Variants in RAB3GAP2 observed in about 807,000 individuals in gnomAD.
The protein encoded by RAB3GAP2 is RAB3 GTPase activating non-catalytic protein subunit 2.
RAB3GAP2 carries 87 observed loss-of-function variants against 185.3 expected under a neutral mutation model. That is an observed-to-expected ratio of 0.47 (90% CI 0.39 to 0.56). The LOEUF (loss-of-function observed/expected upper bound fraction) is 0.56. Among genes scored for constraint, RAB3GAP2 ranks in the 20% least tolerant of loss-of-function variants. The pLI, the probability that RAB3GAP2 is intolerant of heterozygous loss-of-function variation, is 0.00. For missense variants in RAB3GAP2, 1,492 were observed against 1,638.2 expected (o/e 0.91, Z 1.54); for synonymous variants, 554 against 576.1 (o/e 0.96, Z 0.55).
At chr1:220,239,668 T>C (rs529804137) in intron 1 of RAB3GAP2, among the ~76,000 whole-genome samples, 2 of 152,214 alleles carry the variant, frequency 1.3e-5, no homozygotes, top group African/African-American at 2.4e-5. Flanking sequence ...AGGAATAGTA[T>C]AGTATTTTGT....
At chr1:220,266,809 G>A in intron 1 of RAB3GAP2, 1 of 1,595,068 alleles carries the variant, frequency 6.3e-7, no homozygotes, top group Non-Finnish European at 8.6e-7. Flanking sequence ...TTGGCCTCTG[G>A]CTGGGAACAT....
intron 1 of RAB3GAP2, among the ~76,000 whole-genome samples, chr1:220,241,048 CA>C (rs1659688616): frequency 6.6e-6 from 1 of 151,870 alleles, no homozygotes; most frequent in Admixed American, 6.5e-5. Flanking sequence ...AATCAATCAT[CA>C]AAAAAATTAT....
At chr1:220,182,182 A>G in intron 21 of RAB3GAP2, 75 bp downstream of exon 21, 2 of 1,591,844 alleles carry the variant, frequency 1.3e-6, no homozygotes, top group Admixed American at 3.7e-5. Context: ...CAATAGTTAA[A>G]AAAAAAAAGA....
At chr1:220,200,765 T>C in intron 9 of RAB3GAP2, 1 of 398,694 alleles carries the variant, frequency 2.5e-6, no homozygotes, top group Non-Finnish European at 5.2e-6. Flanking sequence ...ATGTAAGAGC[T>C]ATGCAGTAAA....
At chr1:220,227,145 C>T (rs1278847371) in intron 2 of RAB3GAP2, among the ~76,000 whole-genome samples, 1 of 152,224 alleles carries the variant, frequency 6.6e-6, no homozygotes, top group Non-Finnish European at 1.5e-5. Context: ...CAGATGAATA[C>T]AGACATGAAA....
chr1:220,198,213 A>T (rs1034608871), intron 9 of RAB3GAP2, among the ~76,000 whole-genome samples: 4 of 152,150 alleles, frequency 2.6e-5, no homozygotes, highest in Admixed American at 2.0e-4. Flanking sequence ...GGTTGACCTA[A>T]ACTTTCTGCA....
chr1:220,152,733 C>T (rs1285032198), intron 33 of RAB3GAP2, among the ~76,000 whole-genome samples: 2 of 151,796 alleles, frequency 1.3e-5, no homozygotes, highest in Non-Finnish European at 2.9e-5. Flanking sequence ...ATATTTTTTT[C>T]CTTTTTAGAG....
chr1:220,237,322 A>T (rs1328546238), intron 1 of RAB3GAP2, among the ~76,000 whole-genome samples: 1 of 152,250 alleles, frequency 6.6e-6, no homozygotes, highest in African/African-American at 2.4e-5. Flanking sequence ...TTATTAAATA[A>T]GTAGCAACCA....
chr1:220,209,890 C>G (rs1473935184), intron 7 of RAB3GAP2, among the ~76,000 whole-genome samples: 1 of 152,150 alleles, frequency 6.6e-6, no homozygotes, highest in African/African-American at 2.4e-5. Flanking sequence ...GCCTTGGATA[C>G]TAAACAGCAT....
In RAB3GAP2 at chr1:220,184,071, G is replaced by A; in HGVS notation, c.1963C>T (p.Leu655Phe). 1.3e-6 allele frequency: 2 copies of A among 1,594,324 alleles called. No individual in the cohort carries two copies. Among genetic ancestry groups the A allele is most frequent in the African/African-American group, 2.7e-5 (2 of 74,568 alleles). The change falls in exon 19 of 35, where the codon CTT (leucine) becomes TTT (phenylalanine). Residue 655 changes from leucine to phenylalanine, a missense_variant. Physicochemically the swap from Leu to Phe is conservative, Grantham distance 22. Coordinates refer to ENST00000358951, the MANE Select transcript of RAB3GAP2 (RefSeq NM_012414.4). Reference protein sequence around the residue: ...LYESVSQLNSLDFHLDTPFSD... With the variant: ...LYESVSQLNSFDFHLDTPFSD... ...AATGGTGTGTCTAAATGAAAATCAA[G>A]GGAATTTAATTGACTGACAGACTCA...
rs1326979516 is a variant in RAB3GAP2, at chr1:220,193,342, T to C, written c.1168A>G (p.Ile390Val). The change falls in exon 13 of 35, where the codon ATA becomes GTA. Residue 390 changes from isoleucine to valine, a missense_variant. By Grantham distance (29) the Ile-to-Val change is conservative (BLOSUM62 3). This residue lies in a region of RAB3GAP2 where 243 missense variants were observed against 314.8 expected (regional missense o/e 0.77). Coordinates refer to ENST00000358951, the MANE Select transcript of RAB3GAP2 (RefSeq NM_012414.4). ...LPDSRRHGES[I>V]CLSPCNTLAA... ...AGTGTGTTACATGGAGACAGACATA[T>C]GCTTTCACCATGGCGTCTAGAATCT... 3 of 1,613,924 alleles carry C rather than the reference T, an allele frequency of 1.9e-6. No individual in the cohort carries two copies. The highest frequency in any genetic ancestry group is 1.3e-5 in the African/African-American group (1 of 75,054).
At chr1:220,233,014 C>T (rs1659528781) in intron 1 of RAB3GAP2, 151 bp from the exon 2 acceptor site, 13 of 656,846 alleles carry the variant, frequency 2.0e-5, no homozygotes, top group Non-Finnish European at 3.5e-5. Flanking sequence ...CAGGATTTTG[C>T]TATATGTAAT....
At chr1:220,227,787 T>C (rs1464573518) in intron 2 of RAB3GAP2, among the ~76,000 whole-genome samples, 1 of 152,250 alleles carries the variant, frequency 6.6e-6, no homozygotes, top group Middle Eastern at 3.2e-3. Context: ...AGTCTTACTC[T>C]GTTGCTCAGG....
In RAB3GAP2 at chr1:220,153,222, T is replaced by C. The variant is rs766935556; in HGVS notation, c.3830A>G (p.Glu1277Gly). ...EDVVRRHYVG[E>G]LYNYGVDHLG... The stretch of plus-strand genomic sequence containing the variant: ...GTGGTCAACTCCATAGTTGTATAGT[T>C]CCCCCACATAATGCCTTCTAACAAC... Residue 1277 changes from glutamate (E) to glycine (G), a missense_variant, in exon 33 of 35, where the codon GAA becomes GGA. Transcript: ENST00000358951. The C allele has an allele frequency of 6.2e-7, 1 of 1,614,010 alleles. No individual in the cohort carries two copies. The highest frequency in any genetic ancestry group is 8.5e-7 in the Non-Finnish European group (1 of 1,179,920).
chr1:220,221,779 C>T (rs1285454492), intron 2 of RAB3GAP2, among the ~76,000 whole-genome samples: 1 of 152,160 alleles, frequency 6.6e-6, no homozygotes, highest in Non-Finnish European at 1.5e-5. Context: ...TGCAGGCAGA[C>T]AATAAAATTG....
chr1:220,153,164 C>T, intron 33 of RAB3GAP2, 21 bp downstream of exon 33: 1 of 1,555,514 alleles, frequency 6.4e-7, no homozygotes, highest in Non-Finnish European at 8.9e-7. Context: ...GCCCAATTAA[C>T]ATTCAAAGGG....
At chr1:220,169,970 A>G (rs1054037065) in intron 24 of RAB3GAP2, among the ~76,000 whole-genome samples, 2 of 152,192 alleles carry the variant, frequency 1.3e-5, no homozygotes, top group Non-Finnish European at 2.9e-5. Context: ...ACATGCACAC[A>G]TATGTTTACT....
chr1:220,254,863 C>T (rs895335825), intron 1 of RAB3GAP2, among the ~76,000 whole-genome samples: 11 of 151,122 alleles, frequency 7.3e-5, no homozygotes, highest in Non-Finnish European at 1.5e-4. Context: ...TTTTATAATA[C>T]ATGTTAATGC....
chr1:220,157,370 T>C lies in RAB3GAP2; in HGVS notation c.3455A>G (p.Tyr1152Cys). 6.2e-7 allele frequency: 1 copy of C among 1,612,840 alleles called. No individual in the cohort carries two copies. Reference sequence around the variant, plus strand: ...GATGGAGTGGTGCTCCACCAGTGGGTAGTGGATGTGCTTCTGTTCAAGGGC... The same window carrying C: ...GATGGAGTGGTGCTCCACCAGTGGGCAGTGGATGTGCTTCTGTTCAAGGGC... ...ELALEQKHIH[Y>C]PLVEHHSILC... The change falls in exon 31 of 35, where the codon TAC (tyrosine) becomes TGC (cysteine). Residue 1152 changes from tyrosine (Y) to cysteine (C), a missense_variant. Tyr to Cys is a radical substitution (Grantham distance 194, BLOSUM62 -2). Coordinates refer to ENST00000358951, the MANE Select transcript of RAB3GAP2 (RefSeq NM_012414.4).
Sources: allele counts gnomAD v4.1 joint callset (sites outside exome capture counted in the v4.1 genomes callset), GRCh38; gene constraint gnomAD v4.1.1; regional missense constraint gnomAD v4.1.1; transcripts MANE v1.5; gene names NCBI Gene and HGNC (gene_info 2026-07-23, HGNC 2026-07-21).